Variants in CAVIN1 observed in about 807,000 individuals in gnomAD.
CAVIN1 encodes caveolae associated protein 1, also known as caveolae-associated protein 1.
CAVIN1 carries 16 observed loss-of-function variants against 24.0 expected under a neutral mutation model. That is an observed-to-expected ratio of 0.67 (90% CI 0.45 to 1.01). CAVIN1 has a LOEUF of 1.01. Ranked by LOEUF, CAVIN1 falls within the 50% of genes least tolerant of loss-of-function variation. The pLI, the probability that CAVIN1 is intolerant of heterozygous loss-of-function variation, is 0.00. For synonymous variants in CAVIN1, 256 were observed against 256.4 expected, an observed-to-expected ratio of 1.00 and a Z score of 0.02; for missense variants, 510 against 551.7, an observed-to-expected ratio of 0.92 and a Z score of 0.76.
chr17:42,419,992 G>A (rs1415578652), intron 1 of CAVIN1, among the ~76,000 whole-genome samples: 3 of 151,798 alleles, frequency 2.0e-5, no homozygotes, highest in African/African-American at 7.3e-5. Flanking sequence ...CCATACAAGG[G>A]ATTCCCTCCT....
chr17:42,413,566 G>GAAAAAAAAAAA lies in CAVIN1; in HGVS notation c.472-8189_472-8179dup, dbSNP rs60085741. 5.4e-4 allele frequency among the ~76,000 whole-genome samples: 31 copies of GAAAAAAAAAAA among 56,948 alleles called. 1 individual carries two copies. Among genetic ancestry groups the GAAAAAAAAAAA allele is most frequent in the East Asian group, 2.1e-3 (3 of 1,430 alleles). The allele number at this position is 56,948 out of a possible 152,430, so 37.4% of individuals were successfully genotyped here. A position where few individuals can be genotyped will look rare whatever the true frequency, so the allele number is the denominator to read the frequency against. On this transcript the variant is annotated intron_variant, in intron 1 of 1. Coordinates refer to ENST00000357037, the MANE Select transcript of CAVIN1 (RefSeq NM_012232.6). ...AGAGCAAAAGTCTGTCTCAAAAAGGGAAAAAAAAAAAAAAAAAAAAAAAAA... is the reference window on the plus strand; with the variant it reads ...AGAGCAAAAGTCTGTCTCAAAAAGGGAAAAAAAAAAAAAAAAAAAAAAAAAAAAAAAAAAAA...
In CAVIN1 at chr17:42,402,955, T is replaced by C. The variant is rs2085420992; in HGVS notation, c.*1732A>G. On this transcript the variant is annotated 3_prime_UTR_variant, in exon 2 of 2. Coordinates refer to ENST00000357037, the MANE Select transcript of CAVIN1 (RefSeq NM_012232.6). ...CCCAGTCCAAACAGAATCAGGCCTC[T>C]GGACTGGGAGCAACACTCCCTTCAC... The C allele has an allele frequency of 6.6e-6, 1 of 152,264 alleles. No homozygotes were observed. The highest frequency in any genetic ancestry group is 6.6e-5 in the Admixed American group (1 of 15,260). The allele number at this position is 152,264 out of a possible 1,614,324, so 9.4% of individuals were successfully genotyped here. A position where few individuals can be genotyped will look rare whatever the true frequency, so the allele number is the denominator to read the frequency against.
chr17:42,411,205 A>AAC (rs1267146789), intron 1 of CAVIN1, among the ~76,000 whole-genome samples: 3 of 148,136 alleles, frequency 2.0e-5, no homozygotes, highest in African/African-American at 4.9e-5. Context: ...AAAAAAAAAA[A>AAC]AAAACTAAAA....
chr17:42,418,530 C>T (rs1402684081), intron 1 of CAVIN1, among the ~76,000 whole-genome samples: 2 of 152,156 alleles, frequency 1.3e-5, no homozygotes, highest in Non-Finnish European at 2.9e-5. Context: ...CGCGCCCAGC[C>T]CCGTATTTCC....
intron 1 of CAVIN1, among the ~76,000 whole-genome samples, chr17:42,405,749 G>T (rs2085442919): frequency 6.7e-6 from 1 of 148,552 alleles, no homozygotes; most frequent in Admixed American, 6.7e-5. Flanking sequence ...TGCAGTGGGC[G>T]CGATCTTGGC....
At chr17:42,414,299 C>T (rs1038455105) in intron 1 of CAVIN1, among the ~76,000 whole-genome samples, 2 of 152,114 alleles carry the variant, frequency 1.3e-5, no homozygotes, top group Non-Finnish European at 2.9e-5. Context: ...TGGCAATTTC[C>T]CTTTGGCCAC....
At chr17:42,419,931 T>G (rs867075770) in intron 1 of CAVIN1, among the ~76,000 whole-genome samples, 19 of 146,776 alleles carry the variant, frequency 1.3e-4, no homozygotes, top group South Asian at 6.4e-4. Context: ...AAATGCAAAC[T>G]TAAAGCTGTG....
chr17:42,418,247 T>C (rs1381930692), intron 1 of CAVIN1, among the ~76,000 whole-genome samples: 2 of 151,430 alleles, frequency 1.3e-5, no homozygotes, highest in Non-Finnish European at 2.9e-5. Flanking sequence ...TTTTTTTTTT[T>C]TGAGACCAAG....
At chr17:42,416,265 C>T (rs747598328) in intron 1 of CAVIN1, among the ~76,000 whole-genome samples, 4 of 151,800 alleles carry the variant, frequency 2.6e-5, no homozygotes, top group East Asian at 1.9e-4. Flanking sequence ...CTACTTAGGA[C>T]GGTGAGGCAT....
At chr17:42,415,498 A>C (rs1598577201) in intron 1 of CAVIN1, among the ~76,000 whole-genome samples, 2 of 151,368 alleles carry the variant, frequency 1.3e-5, no homozygotes, top group African/African-American at 4.9e-5. Flanking sequence ...GGATTGCTTG[A>C]GCTCAGGAAT....
At chr17:42,417,575 T>G (rs1244783356) in intron 1 of CAVIN1, among the ~76,000 whole-genome samples, 3 of 152,132 alleles carry the variant, frequency 2.0e-5, no homozygotes, top group South Asian at 4.1e-4. Flanking sequence ...TGATTGCTGG[T>G]GTAAACAAGC....
Position 42,413,566 on chromosome 17 carries a change from G to GAA in CAVIN1, c.472-8180_472-8179dup, listed in dbSNP as rs60085741. Among the ~76,000 whole-genome samples the GAA allele has an allele frequency of 2.7e-3, 156 of 56,858 alleles. 5 individuals are homozygous for GAA. Among genetic ancestry groups the GAA allele is most frequent in the African/African-American group, 9.8e-3 (132 of 13,464 alleles). The allele number at this position is 56,858 out of a possible 152,430, so 37.3% of individuals were successfully genotyped here. A position where few individuals can be genotyped will look rare whatever the true frequency, so the allele number is the denominator to read the frequency against. ...AGAGCAAAAGTCTGTCTCAAAAAGG[G>GAA]AAAAAAAAAAAAAAAAAAAAAAAAA... On this transcript the variant is annotated intron_variant, in intron 1 of 1. Transcript: ENST00000357037.
chr17:42,404,852 G>C lies in CAVIN1; in HGVS notation c.1008C>G (p.Leu336=). The part of the protein sequence containing the change: ...KKIREGQVEV[L]KATEMVEVGA... ...CCACCTCCACCATCTCGGTGGCCTT[G>C]AGCACTTCCACCTGGCCCTCGCGGA... is the stretch of plus-strand genomic sequence containing the variant. Residue 336 remains leucine (L), a synonymous_variant, in exon 2 of 2, where the codon CTC becomes CTG. Transcript: ENST00000357037. 1 of 1,610,366 alleles carries C rather than the reference G, an allele frequency of 6.2e-7. No homozygotes were observed. Among genetic ancestry groups the C allele is most frequent in the Non-Finnish European group, 8.5e-7 (1 of 1,178,520 alleles).
intron 1 of CAVIN1, among the ~76,000 whole-genome samples, chr17:42,420,689 G>C (rs2085539722): frequency 6.6e-6 from 1 of 152,174 alleles, no homozygotes; most frequent in South Asian, 2.1e-4. Context: ...GCAGAACAGA[G>C]GGATGCCAGT....
chr17:42,410,169 G>A (rs1227393690), intron 1 of CAVIN1, among the ~76,000 whole-genome samples: 2 of 152,220 alleles, frequency 1.3e-5, no homozygotes, highest in African/African-American at 2.4e-5. Context: ...AGAAGGGACA[G>A]ATGCCACATG....
At chr17:42,422,523 G>A in intron 1 of CAVIN1, 104 bp downstream of exon 1, 1 of 889,528 alleles carries the variant, frequency 1.1e-6, no homozygotes. Context: ...GGGCCAGGCT[G>A]GGAGGGGAGC....
intron 1 of CAVIN1, among the ~76,000 whole-genome samples, chr17:42,413,664 A>G (rs2085495242): frequency 6.7e-6 from 1 of 149,110 alleles, no homozygotes; most frequent in Non-Finnish European, 1.5e-5. Flanking sequence ...CACAGCTTCA[A>G]TTGAGCCCCT....
intron 1 of CAVIN1, among the ~76,000 whole-genome samples, chr17:42,406,550 T>C (rs1289226555): frequency 6.6e-6 from 1 of 152,122 alleles, no homozygotes; most frequent in Non-Finnish European, 1.5e-5. Flanking sequence ...AATTTTTTTG[T>C]ATTTTTAGTA....
chr17:42,407,588 G>T (rs1376113969), intron 1 of CAVIN1, among the ~76,000 whole-genome samples: 1 of 152,168 alleles, frequency 6.6e-6, no homozygotes. Flanking sequence ...GACAAAGAGG[G>T]AATGCTGGCT....
Sources: allele counts gnomAD v4.1 joint callset (sites outside exome capture counted in the v4.1 genomes callset), GRCh38; gene constraint gnomAD v4.1.1; transcripts MANE v1.5; gene names NCBI Gene and HGNC (gene_info 2026-07-23, HGNC 2026-07-21).